Variants in NRG3 observed in about 807,000 individuals in gnomAD.
NRG3 encodes the protein pro-neuregulin-3, membrane-bound isoform.
Under a neutral mutation model 66.9 loss-of-function variants are expected in NRG3, and 31 were observed. That is an observed-to-expected ratio of 0.46 (90% confidence interval 0.35 to 0.63). NRG3 has a LOEUF of 0.63. Among genes scored for constraint, NRG3 ranks in the 20% least tolerant of loss-of-function variants. The pLI is 0.00. For synonymous variants in NRG3, 393 were observed against 359.4 expected (o/e 1.09, Z -1.06); for missense variants, 910 against 878.9 (o/e 1.04, Z -0.45).
At chr10:81,950,793 G>C (rs1352754202) in intron 1 of NRG3, among the ~76,000 whole-genome samples, 1 of 152,084 alleles carries the variant, frequency 6.6e-6, no homozygotes, top group Non-Finnish European at 1.5e-5. Context: ...AAAAGGCAAC[G>C]CTTTATGGAA....
chr10:82,460,545 ACT>A (rs2091464086), intron 2 of NRG3, among the ~76,000 whole-genome samples: 1 of 152,004 alleles, frequency 6.6e-6, no homozygotes, highest in South Asian at 2.1e-4. Flanking sequence ...CTTTCATGCA[ACT>A]CTCTATTCAT....
chr10:82,003,660 A>T (rs2061260592), intron 1 of NRG3, among the ~76,000 whole-genome samples: 1 of 152,202 alleles, frequency 6.6e-6, no homozygotes, highest in South Asian at 2.1e-4. Flanking sequence ...ATTTGGCAAC[A>T]TGGAAATTGC....
At chr10:82,350,835 G>C (rs571825496) in intron 1 of NRG3, among the ~76,000 whole-genome samples, 1 of 152,048 alleles carries the variant, frequency 6.6e-6, no homozygotes, top group Non-Finnish European at 1.5e-5. Flanking sequence ...AAGACTCAAT[G>C]GAGTTTTAGC....
At chr10:82,662,853 A>T (rs1168745871) in intron 2 of NRG3, among the ~76,000 whole-genome samples, 1 of 152,194 alleles carries the variant, frequency 6.6e-6, no homozygotes, top group Non-Finnish European at 1.5e-5. Context: ...TGGTTCTTTT[A>T]ACTTTATACC....
At position 82,952,485 on chromosome 10, in the gene NRG3, G is replaced by C. The variant is rs1224372034; in HGVS notation, c.1157+914G>C. 9.7e-3 allele frequency among the ~76,000 whole-genome samples: 1,170 copies of C among 120,762 alleles called. 25 individuals are homozygous for C. Among genetic ancestry groups the C allele is most frequent in the African/African-American group, 0.02 (746 of 37,098 alleles). The allele number at this position is 120,762 out of a possible 152,430, so 79.2% of individuals were successfully genotyped here. Reference sequence around the variant, plus strand: ...TCTCTCTCTCTCTGTGTGTGTGTGTGTGTGTGTGTGTGTGTGTGTGTGTGT... The same window carrying C: ...TCTCTCTCTCTCTGTGTGTGTGTGTCTGTGTGTGTGTGTGTGTGTGTGTGT... On this transcript the variant is annotated intron_variant, in intron 5 of 8. Coordinates refer to ENST00000372141, the MANE Select transcript of NRG3 (RefSeq NM_001010848.4).
intron 2 of NRG3, among the ~76,000 whole-genome samples, chr10:82,474,146 G>A (rs1841539759): frequency 6.6e-6 from 1 of 151,930 alleles, no homozygotes; most frequent in African/African-American, 2.4e-5. Flanking sequence ...AGAGACTGGA[G>A]AGGTGTCTGT....
At chr10:82,236,775 G>T (rs915035185) in intron 1 of NRG3, among the ~76,000 whole-genome samples, 2 of 145,382 alleles carry the variant, frequency 1.4e-5, no homozygotes, top group Non-Finnish European at 3.0e-5. Flanking sequence ...GAGTGCAGTG[G>T]TGCGATCTCC....
chr10:82,808,976 T>A (rs2061390839), intron 3 of NRG3, among the ~76,000 whole-genome samples: 1 of 152,178 alleles, frequency 6.6e-6, no homozygotes, highest in South Asian at 2.1e-4. Flanking sequence ...TAATGGCAGA[T>A]CAATGGGTTT....
intron 1 of NRG3, among the ~76,000 whole-genome samples, chr10:82,021,786 A>ATGTGTG (rs71950373): frequency 8.7e-4 from 53 of 61,100 alleles, no homozygotes; most frequent in African/African-American, 2.3e-3. Flanking sequence ...GGCATGTAGT[A>ATGTGTG]TGTGTGTGTG....
chr10:81,880,407 A>T (rs540560705), intron 1 of NRG3, among the ~76,000 whole-genome samples: 1 of 151,398 alleles, frequency 6.6e-6, no homozygotes, highest in Non-Finnish European at 1.5e-5. Flanking sequence ...CAAAAAAAAC[A>T]AAAAAAAACC....
chr10:82,297,169 A>C (rs1407024358), intron 1 of NRG3, among the ~76,000 whole-genome samples: 1 of 152,152 alleles, frequency 6.6e-6, no homozygotes, highest in African/African-American at 2.4e-5. Flanking sequence ...CAGTTTCTTT[A>C]TCCATTCCAC....
intron 2 of NRG3, among the ~76,000 whole-genome samples, chr10:82,547,366 C>T (rs2132837024): frequency 6.6e-6 from 1 of 151,198 alleles, no homozygotes; most frequent in South Asian, 2.1e-4. Context: ...TGTACAAATA[C>T]ATCTATCTAT....
intron 4 of NRG3, among the ~76,000 whole-genome samples, chr10:82,902,843 T>G (rs1844364171): frequency 6.6e-6 from 1 of 152,122 alleles, no homozygotes; most frequent in Non-Finnish European, 1.5e-5. Flanking sequence ...TTTGAGTTTT[T>G]GGGTTTGAAC....
intron 2 of NRG3, among the ~76,000 whole-genome samples, chr10:82,446,316 T>G (rs894950205): frequency 6.6e-6 from 1 of 152,196 alleles, no homozygotes; most frequent in Non-Finnish European, 1.5e-5. Flanking sequence ...AATCATTCTA[T>G]TATAAAGATA....
chr10:82,874,190 G>C (rs999112511), intron 4 of NRG3, among the ~76,000 whole-genome samples: 1 of 152,014 alleles, frequency 6.6e-6, no homozygotes, highest in African/African-American at 2.4e-5. Context: ...ATTTTAGTGA[G>C]CACTGGGGAT....
intron 3 of NRG3, chr10:82,843,229 C>T (rs758582645): frequency 1.7e-4 from 76 of 454,300 alleles, no homozygotes; most frequent in African/African-American, 1.0e-3. Context: ...AACAGTATTA[C>T]GAAGTGGGAC....
Position 81,950,003 on chromosome 10 carries a change from G to C in NRG3, c.823+73840G>C, listed in dbSNP as rs112432823. Among the ~76,000 whole-genome samples, 710 of 152,224 alleles carry C rather than the reference G, an allele frequency of 4.7e-3. 2 individuals are homozygous for C. Among genetic ancestry groups the C allele is most frequent in the African/African-American group, 0.016 (665 of 41,540 alleles). On this transcript the variant is annotated intron_variant, in intron 1 of 8. Transcript: ENST00000372141. The stretch of plus-strand genomic sequence containing the variant: ...TCTCTATTGCCCAGATTTCCCAGGG[G>C]ACTCTGGAAATTAACCAGAAGCCCT...
chr10:82,981,427 C>A (rs1170349012), intron 8 of NRG3, among the ~76,000 whole-genome samples: 2 of 152,160 alleles, frequency 1.3e-5, no homozygotes, highest in Non-Finnish European at 2.9e-5. Flanking sequence ...TTAAAAACAG[C>A]CATTTTCCAC....
intron 3 of NRG3, among the ~76,000 whole-genome samples, chr10:82,818,828 A>G (rs1382997404): frequency 6.6e-6 from 1 of 152,148 alleles, no homozygotes; most frequent in African/African-American, 2.4e-5. Context: ...CATTTAGAAA[A>G]ACATATTCTC....
Sources: gnomAD v4.1 joint callset for allele counts (sites outside exome capture counted in the v4.1 genomes callset) on GRCh38, gnomAD v4.1.1 for gene constraint, MANE v1.5 for transcripts, NCBI Gene and HGNC (gene_info 2026-07-23, HGNC 2026-07-21) for gene names.